Variants in UTRN observed in about 807,000 individuals in gnomAD.
The protein encoded by UTRN is dystrophin-related protein 1.
A neutral mutation model predicts 463.9 loss-of-function variants in UTRN; 283 were observed. The observed-to-expected ratio is 0.61, with a 90% confidence interval of 0.55 to 0.67. The LOEUF (loss-of-function observed/expected upper bound fraction) is 0.67. UTRN is among the 30% of genes least tolerant of loss of function. The pLI is 0.00. For synonymous variants in UTRN, 1,442 were observed against 1,431.5 expected (o/e 1.01, Z -0.17); for missense variants, 3,922 against 4,084.3 (o/e 0.96, Z 1.08).
At chr6:144,472,984 G>T (rs922395362) in intron 23 of UTRN, among the ~76,000 whole-genome samples, 1 of 152,044 alleles carries the variant, frequency 6.6e-6, no homozygotes, top group Non-Finnish European at 1.5e-5. Context: ...GGCCAGGATG[G>T]TCTTGATCTC....
chr6:144,832,682 T>A (rs1002205689), intron 69 of UTRN, among the ~76,000 whole-genome samples: 2 of 152,190 alleles, frequency 1.3e-5, no homozygotes, highest in Admixed American at 1.3e-4. Flanking sequence ...CTTAAAGGGA[T>A]CCAAGTTTTC....
chr6:144,305,394 T>C (rs1270834874), intron 2 of UTRN, among the ~76,000 whole-genome samples: 2 of 152,198 alleles, frequency 1.3e-5, no homozygotes, highest in South Asian at 2.1e-4. Context: ...TCTTTAGAGA[T>C]AGTGAGAGAG....
intron 7 of UTRN, among the ~76,000 whole-genome samples, chr6:144,427,930 C>T (rs1785438452): frequency 6.6e-6 from 1 of 152,064 alleles, no homozygotes; most frequent in Non-Finnish European, 1.5e-5. Flanking sequence ...AATGTACACA[C>T]ACTGAAGGAA....
At chr6:144,427,391 C>T (rs878892870) in intron 7 of UTRN, among the ~76,000 whole-genome samples, 7 of 152,042 alleles carry the variant, frequency 4.6e-5, no homozygotes, top group Admixed American at 2.0e-4. Context: ...GACTTTTCTA[C>T]GTCTTATATC....
At chr6:144,608,582 G>A (rs1410044006) in intron 51 of UTRN, among the ~76,000 whole-genome samples, 2 of 152,100 alleles carry the variant, frequency 1.3e-5, no homozygotes, top group African/African-American at 2.4e-5. Context: ...CCCCAAGCTG[G>A]GACAGTGGCA....
At chr6:144,324,067 A>G (rs1325443084) in intron 2 of UTRN, among the ~76,000 whole-genome samples, 2 of 152,214 alleles carry the variant, frequency 1.3e-5, no homozygotes, top group Non-Finnish European at 2.9e-5. Context: ...GCAGACCTTT[A>G]GGGGTCAGAG....
intron 50 of UTRN, among the ~76,000 whole-genome samples, chr6:144,569,064 T>A (rs1017059727): frequency 6.6e-6 from 1 of 152,074 alleles, no homozygotes; most frequent in Admixed American, 6.6e-5. Flanking sequence ...TCCTTGAGAA[T>A]GGATAAAAAA....
chr6:144,818,892 GT>G (rs760333445), intron 65 of UTRN, among the ~76,000 whole-genome samples: 19 of 146,686 alleles, frequency 1.3e-4, no homozygotes, highest in Non-Finnish European at 2.4e-4. Flanking sequence ...ACAATCTGTT[GT>G]TTTTTTTTTT....
intron 2 of UTRN, among the ~76,000 whole-genome samples, chr6:144,364,615 A>C (rs1397209702): frequency 6.6e-6 from 1 of 152,180 alleles, no homozygotes; most frequent in Non-Finnish European, 1.5e-5. Context: ...TATTTGTTTC[A>C]TTTTGTGATT....
intron 27 of UTRN, among the ~76,000 whole-genome samples, 186 bp from the exon 28 acceptor site, chr6:144,485,199 C>G (rs1376712233): frequency 2.0e-5 from 3 of 152,134 alleles, no homozygotes; most frequent in Admixed American, 1.3e-4. Flanking sequence ...GCTGGGATTA[C>G]AGGCGTGAGC....
intron 2 of UTRN, among the ~76,000 whole-genome samples, chr6:144,309,081 C>G (rs1562730178): frequency 6.6e-6 from 1 of 152,180 alleles, no homozygotes; most frequent in Non-Finnish European, 1.5e-5. Flanking sequence ...TCAATAGCAT[C>G]AACACTGCTG....
At chr6:144,836,112 G>A (rs1451596419) in intron 70 of UTRN, among the ~76,000 whole-genome samples, 174 bp downstream of exon 70, 4 of 152,152 alleles carry the variant, frequency 2.6e-5, no homozygotes, top group African/African-American at 7.2e-5. Flanking sequence ...GCATTTGGGG[G>A]TTCATTGATG....
chr6:144,506,117 A>G (rs1794675024), intron 34 of UTRN, among the ~76,000 whole-genome samples: 1 of 151,334 alleles, frequency 6.6e-6, no homozygotes, highest in South Asian at 2.1e-4. Flanking sequence ...TGTTTGGTAA[A>G]TATTCCTCTA....
chr6:144,402,093 G>A (rs762929108), intron 2 of UTRN, among the ~76,000 whole-genome samples: 4 of 152,194 alleles, frequency 2.6e-5, no homozygotes, highest in African/African-American at 9.7e-5. Flanking sequence ...ATAGAAAATC[G>A]TGGAGTGATG....
chr6:144,461,286 T>C lies in UTRN; in HGVS notation c.2797T>C (p.Ser933Pro). ...LNDSENKAQV[S>P]LNVLNDLAKV... Reference sequence around the variant, plus strand: ...TGATTCAGAAAATAAGGCCCAGGTGTCTCTGAATGTCCTTAATGATCTTGC... The same window carrying C: ...TGATTCAGAAAATAAGGCCCAGGTGCCTCTGAATGTCCTTAATGATCTTGC... The change falls in exon 22 of 75, where the codon TCT becomes CCT. Residue 933 changes from serine (S) to proline (P), a missense_variant. By Grantham distance (74) the Ser-to-Pro change is moderately conservative. Coordinates refer to ENST00000367545, the MANE Select transcript of UTRN (RefSeq NM_007124.3). The C allele has an allele frequency of 6.2e-7, 1 of 1,603,906 alleles. No individual in the cohort carries two copies. Among genetic ancestry groups the C allele is most frequent in the African/African-American group, 1.3e-5 (1 of 74,858 alleles).
intron 51 of UTRN, among the ~76,000 whole-genome samples, chr6:144,606,172 T>A (rs1298898697): frequency 6.6e-6 from 1 of 152,232 alleles, no homozygotes. Context: ...TGTAAAACAA[T>A]GTTTGACATT....
chr6:144,575,686 G>A (rs1217207693), intron 50 of UTRN, among the ~76,000 whole-genome samples: 1 of 152,084 alleles, frequency 6.6e-6, no homozygotes, highest in Non-Finnish European at 1.5e-5. Flanking sequence ...TAGGTATGAT[G>A]CATGGGAAAA....
chr6:144,778,584 G>A (rs1225738184), intron 60 of UTRN, among the ~76,000 whole-genome samples: 3 of 151,522 alleles, frequency 2.0e-5, no homozygotes, highest in African/African-American at 7.3e-5. Context: ...TATTTCTGGG[G>A]AAGAGAAGAT....
At chr6:144,754,040 A>G (rs1791699785) in intron 56 of UTRN, among the ~76,000 whole-genome samples, 1 of 152,158 alleles carries the variant, frequency 6.6e-6, no homozygotes, top group South Asian at 2.1e-4. Context: ...TTCTCTGTTT[A>G]TCTTCTACCA....
Sources: gnomAD v4.1 joint callset for allele counts (sites outside exome capture counted in the v4.1 genomes callset) on GRCh38, gnomAD v4.1.1 for gene constraint, MANE v1.5 for transcripts, NCBI Gene and HGNC (gene_info 2026-07-23, HGNC 2026-07-21) for gene names.